SERINC5: variants seen among roughly 807,000 people sequenced by gnomAD.
The protein encoded by SERINC5 is serine incorporator 5, also known as chromosome 5 open reading frame 12.
A neutral mutation model predicts 63.1 loss-of-function variants in SERINC5; 41 were observed. The observed-to-expected ratio is 0.65, with a 90% CI of 0.51 to 0.84. SERINC5 has a LOEUF of 0.84. Ranked by LOEUF, SERINC5 falls within the 40% of genes least tolerant of loss-of-function variation. SERINC5 has a pLI of 0.00. For missense variants in SERINC5, 523 were observed against 573.0 expected (o/e 0.91, Z 0.89); for synonymous variants, 222 against 215.2 (o/e 1.03, Z -0.28).
At chr5:80,199,360 G>A (rs573731606) in intron 2 of SERINC5, among the ~76,000 whole-genome samples, 35 of 152,330 alleles carry the variant, frequency 2.3e-4, no homozygotes, top group Middle Eastern at 3.4e-3. Flanking sequence ...GGTGAGTACA[G>A]TGCTGATGAA....
intron 1 of SERINC5, among the ~76,000 whole-genome samples, chr5:80,217,033 T>C (rs1750698688): frequency 6.6e-6 from 1 of 152,052 alleles, no homozygotes; most frequent in African/African-American, 2.4e-5. Context: ...TAAAATAAAA[T>C]ACAGTAAAAA....
chr5:80,172,000 A>G (rs756445181), intron 5 of SERINC5, among the ~76,000 whole-genome samples: 2 of 152,232 alleles, frequency 1.3e-5, no homozygotes, highest in Non-Finnish European at 2.9e-5. Flanking sequence ...CAAAACGTCA[A>G]AATGAACCCG....
At position 80,255,913 on chromosome 5, in the gene SERINC5, G is replaced by A. The variant is rs1752660144; in HGVS notation, c.10C>T (p.Gln4Ter). The A allele has an allele frequency of 4.5e-6, 7 of 1,572,762 alleles. No individual in the cohort carries two copies. The highest frequency in any genetic ancestry group is 1.8e-5 in the Admixed American group (1 of 56,620). The change falls in exon 1 of 12, where the codon CAG becomes TAG. Residue 4 changes from glutamine to a stop codon, truncating the protein, a stop_gained. Coordinates refer to ENST00000507668, the MANE Select transcript of SERINC5 (RefSeq NM_001174072.3). LOFTEE classifies it high-confidence loss of function. ...TCGCTCACCTGGCCCGCACAGCACT[G>A]AGCTGACATCGCGGCGGCCAATGCC... The part of the protein sequence containing the change: MSA[Q>*]CCAGQLACCC...
At position 80,142,891 on chromosome 5, in the gene SERINC5, T is replaced by C; in HGVS notation, c.*772A>G. The C allele has an allele frequency of 1.0e-6, 1 of 985,394 alleles. No homozygotes were observed. Among genetic ancestry groups the C allele is most frequent in the Non-Finnish European group, 1.2e-6 (1 of 829,904 alleles). 61.0% of individuals were successfully genotyped at this position (985,394 alleles called of 1,614,324 possible). A position where few individuals can be genotyped will look rare whatever the true frequency, so the allele number is the denominator to read the frequency against. On this transcript the variant is annotated 3_prime_UTR_variant, in exon 12 of 12. Coordinates refer to ENST00000507668, the MANE Select transcript of SERINC5 (RefSeq NM_001174072.3). Reference sequence around the variant, plus strand: ...TTCTATAATCATGTGAATAACACCATAAATAAGCGCCGTACTTATTGCAGT... The same window carrying C: ...TTCTATAATCATGTGAATAACACCACAAATAAGCGCCGTACTTATTGCAGT...
intron 2 of SERINC5, among the ~76,000 whole-genome samples, chr5:80,200,322 C>T (rs1299021834): frequency 3.7e-5 from 5 of 136,494 alleles, no homozygotes; most frequent in African/African-American, 1.4e-4. Context: ...CTAAAAAATA[C>T]AAAAAAAAAA....
chr5:80,135,309 C>A (rs2112265391), downstream of SERINC5, among the ~76,000 whole-genome samples: 1 of 152,326 alleles, frequency 6.6e-6, no homozygotes, highest in African/African-American at 2.4e-5. Flanking sequence ...GTTGGGATTA[C>A]AGGCATGAGC....
At chr5:80,251,134 C>G (rs1752393287) in intron 1 of SERINC5, among the ~76,000 whole-genome samples, 1 of 152,090 alleles carries the variant, frequency 6.6e-6, no homozygotes, top group Non-Finnish European at 1.5e-5. Flanking sequence ...TAAAAACTGG[C>G]CAGGCATGGT....
At chr5:80,253,618 C>T (rs1020488364) in intron 1 of SERINC5, among the ~76,000 whole-genome samples, 11 of 152,164 alleles carry the variant, frequency 7.2e-5, no homozygotes, top group East Asian at 3.9e-4. Context: ...TCATCTAAGA[C>T]ACCCCAGCCA....
chr5:80,175,235 T>G (rs1028339220), intron 4 of SERINC5, among the ~76,000 whole-genome samples, 188 bp from the exon 5 acceptor site: 3 of 152,184 alleles, frequency 2.0e-5, no homozygotes, highest in Non-Finnish European at 4.4e-5. Flanking sequence ...AGAATCTATG[T>G]AGGTTGACAA....
intron 9 of SERINC5, among the ~76,000 whole-genome samples, chr5:80,148,189 C>CTTTTTTT (rs796769914): frequency 9.8e-5 from 10 of 102,332 alleles, no homozygotes; most frequent in African/African-American, 2.7e-4. Flanking sequence ...ATTTTTTATT[C>CTTTTTTT]TTTTTTTTTT....
intron 1 of SERINC5, among the ~76,000 whole-genome samples, chr5:80,251,114 C>A: frequency 6.6e-6 from 1 of 152,018 alleles, no homozygotes; most frequent in East Asian, 1.9e-4. Context: ...CCAGTCTCTA[C>A]AAAAATTTTT....
At chr5:80,184,072 C>A (rs947441041) in intron 2 of SERINC5, among the ~76,000 whole-genome samples, 1 of 152,090 alleles carries the variant, frequency 6.6e-6, no homozygotes, top group Non-Finnish European at 1.5e-5. Context: ...GAGAGTCTAA[C>A]CCAAAACAAA....
At chr5:80,250,714 G>A (rs190049103) in intron 1 of SERINC5, among the ~76,000 whole-genome samples, 7 of 152,308 alleles carry the variant, frequency 4.6e-5, no homozygotes, top group Admixed American at 4.6e-4. Flanking sequence ...TGTGTTTTAA[G>A]CTGCATTATA....
Position 80,139,650 on chromosome 5 carries a change from T to C in SERINC5, c.*4013A>G. On this transcript the variant is annotated 3_prime_UTR_variant, in exon 12 of 12. Transcript: ENST00000507668. ...CTGTGTGAACAGCTCTCCAGTACTG[T>C]GAAGTCAAAGGCCCAACATTACAGA... 1.0e-6 allele frequency: 1 copy of C among 984,820 alleles called. No individual in the cohort carries two copies. The highest frequency in any genetic ancestry group is 1.2e-6 in the Non-Finnish European group (1 of 829,896). The allele number at this position is 984,820 out of a possible 1,614,324, so 61.0% of individuals were successfully genotyped here.
At chr5:80,138,285 G>A (rs1026080663), downstream of SERINC5, among the ~76,000 whole-genome samples, 1 of 151,908 alleles carries the variant, frequency 6.6e-6, no homozygotes, top group African/African-American at 2.4e-5. Flanking sequence ...TTAGGAACCT[G>A]GCACTGTACC....
intron 11 of SERINC5, among the ~76,000 whole-genome samples, chr5:80,131,493 T>C (rs533772635): frequency 6.6e-6 from 1 of 151,878 alleles, no homozygotes; most frequent in African/African-American, 2.4e-5. Flanking sequence ...AGCATTCCAG[T>C]ATGGGAAAGA....
At position 80,255,985 on chromosome 5, in the gene SERINC5, G is replaced by C; in HGVS notation, c.-63C>G. Reference sequence around the variant, plus strand: ...CCGCGCCGCACGGGCCCTCCTGGCTGCCTCGCGCCTCGAGCGCTGGGCTCA... The same window carrying C: ...CCGCGCCGCACGGGCCCTCCTGGCTCCCTCGCGCCTCGAGCGCTGGGCTCA... On this transcript the variant is annotated 5_prime_UTR_variant, in exon 1 of 12. Transcript: ENST00000507668. The C allele has an allele frequency of 7.0e-7, 1 of 1,429,694 alleles. No homozygotes were observed. The highest frequency in any genetic ancestry group is 9.2e-7 in the Non-Finnish European group (1 of 1,090,878). 88.6% of individuals were successfully genotyped at this position (1,429,694 alleles called of 1,614,324 possible).
chr5:80,223,855 G>C (rs1291576721), intron 1 of SERINC5, among the ~76,000 whole-genome samples: 3 of 152,078 alleles, frequency 2.0e-5, no homozygotes, highest in African/African-American at 7.2e-5. Context: ...GCCGGGCGCG[G>C]TGGCTCACGC....
intron 8 of SERINC5, among the ~76,000 whole-genome samples, chr5:80,151,905 T>C (rs916451853): frequency 2.0e-5 from 3 of 152,102 alleles, no homozygotes; most frequent in Non-Finnish European, 4.4e-5. Context: ...CTCATCTCAA[T>C]CCAGCGAACC....
Sources: gnomAD v4.1 joint callset for allele counts (sites outside exome capture counted in the v4.1 genomes callset) on GRCh38, gnomAD v4.1.1 for gene constraint, MANE v1.5 for transcripts, NCBI Gene and HGNC (gene_info 2026-07-23, HGNC 2026-07-21) for gene names.